The following PLEKHM3 variants were observed in gnomAD, a reference collection of about 807,000 sequenced individuals.
PLEKHM3 encodes the protein pleckstrin homology domain containing M3.
A neutral mutation model predicts 81.8 loss-of-function variants in PLEKHM3; 45 were observed. The ratio of observed to expected loss-of-function variants is 0.55; its 90% CI spans 0.43 to 0.71. The LOEUF is 0.71. Among genes scored for constraint, PLEKHM3 ranks in the 30% least tolerant of loss-of-function variants. PLEKHM3 has a pLI of 0.00. For synonymous variants in PLEKHM3, 352 were observed against 356.4 expected, an observed-to-expected ratio of 0.99 and a Z score of 0.14; for missense variants, 788 against 924.3, an observed-to-expected ratio of 0.85 and a Z score of 1.91.
At chr2:207,913,274 T>G (rs1688867575) in intron 5 of PLEKHM3, among the ~76,000 whole-genome samples, 1 of 151,868 alleles carries the variant, frequency 6.6e-6, no homozygotes, top group Non-Finnish European at 1.5e-5. Context: ...AGGTTTTAGA[T>G]GAAGCCATGA....
At chr2:207,852,182 A>C (rs2092416495) in intron 7 of PLEKHM3, among the ~76,000 whole-genome samples, 1 of 152,248 alleles carries the variant, frequency 6.6e-6, no homozygotes, top group Non-Finnish European at 1.5e-5. Flanking sequence ...CTACAGGTGC[A>C]GAAGTAGCAG....
At chr2:207,833,146 C>T (rs1434060374) in intron 7 of PLEKHM3, among the ~76,000 whole-genome samples, 2 of 151,846 alleles carry the variant, frequency 1.3e-5, no homozygotes, top group African/African-American at 4.8e-5. Flanking sequence ...TTCATTGGCC[C>T]CCCTGAGTAC....
intron 4 of PLEKHM3, among the ~76,000 whole-genome samples, chr2:207,936,785 A>C (rs1249382900): frequency 1.3e-5 from 2 of 152,158 alleles, no homozygotes; most frequent in Non-Finnish European, 2.9e-5. Flanking sequence ...ATTACTGTCT[A>C]TAATAGCAAA....
chr2:207,914,091 A>G (rs1365416831), intron 5 of PLEKHM3, among the ~76,000 whole-genome samples: 3 of 152,114 alleles, frequency 2.0e-5, no homozygotes, highest in African/African-American at 7.2e-5. Flanking sequence ...AGTGGCTCAC[A>G]CCTGTAATCC....
At chr2:207,906,347 A>C (rs982605957) in intron 6 of PLEKHM3, among the ~76,000 whole-genome samples, 8 of 151,444 alleles carry the variant, frequency 5.3e-5, no homozygotes, top group African/African-American at 2.0e-4. Flanking sequence ...TTGACTATGT[A>C]GTAAAGGTCA....
intron 3 of PLEKHM3, among the ~76,000 whole-genome samples, chr2:207,958,656 T>A (rs1015410531): frequency 1.1e-4 from 16 of 152,170 alleles, no homozygotes; most frequent in African/African-American, 3.6e-4. Flanking sequence ...ACGCCTATAA[T>A]CCCAGCACTT....
At chr2:208,008,693 C>G (rs907987585) in intron 1 of PLEKHM3, among the ~76,000 whole-genome samples, 1 of 152,150 alleles carries the variant, frequency 6.6e-6, no homozygotes, top group African/African-American at 2.4e-5. Context: ...GTTAACCAGC[C>G]CCTCCTTAAA....
At chr2:207,863,035 G>A (rs1302284037) in intron 6 of PLEKHM3, among the ~76,000 whole-genome samples, 1 of 152,110 alleles carries the variant, frequency 6.6e-6, no homozygotes, top group Non-Finnish European at 1.5e-5. Flanking sequence ...CTCCCACCCC[G>A]GTCATTTGCA....
intron 7 of PLEKHM3, among the ~76,000 whole-genome samples, chr2:207,846,638 G>A (rs1266861851): frequency 1.3e-5 from 2 of 151,846 alleles, no homozygotes; most frequent in African/African-American, 2.4e-5. Flanking sequence ...TGAGAGGATC[G>A]TTTGAGCCTG....
At chr2:207,887,553 G>A (rs1687919033) in intron 6 of PLEKHM3, among the ~76,000 whole-genome samples, 1 of 152,202 alleles carries the variant, frequency 6.6e-6, no homozygotes, top group Admixed American at 6.5e-5. Context: ...AATTGTCAGA[G>A]TGGCAACACA....
At chr2:207,881,746 G>A (rs2092592647) in intron 6 of PLEKHM3, among the ~76,000 whole-genome samples, 1 of 152,142 alleles carries the variant, frequency 6.6e-6, no homozygotes, top group South Asian at 2.1e-4. Flanking sequence ...TCTTCTCCTT[G>A]GCTCTGGGCT....
At chr2:207,886,453 T>C (rs144252127) in intron 6 of PLEKHM3, among the ~76,000 whole-genome samples, 61 of 152,374 alleles carry the variant, frequency 4.0e-4, no homozygotes, top group Middle Eastern at 3.4e-3. Flanking sequence ...CATAGCTGCA[T>C]TCCACCTGTG....
chr2:207,926,279 ACTC>A (rs1396095800), intron 5 of PLEKHM3, among the ~76,000 whole-genome samples: 6 of 150,722 alleles, frequency 4.0e-5, no homozygotes, highest in African/African-American at 1.2e-4. Flanking sequence ...GTGCATGAAA[ACTC>A]CTGATTTTTT....
At chr2:207,943,346 A>G (rs1185731627) in intron 4 of PLEKHM3, among the ~76,000 whole-genome samples, 1 of 152,216 alleles carries the variant, frequency 6.6e-6, no homozygotes, top group Non-Finnish European at 1.5e-5. Context: ...GCCTGTTTCC[A>G]TATGAAGCCC....
Position 207,828,344 on chromosome 2 carries a change from A to C in PLEKHM3, c.2261T>G (p.Phe754Cys). 3 of 1,613,554 alleles carry C rather than the reference A, an allele frequency of 1.9e-6. No homozygotes were observed. Among genetic ancestry groups the C allele is most frequent in the Non-Finnish European group, 2.5e-6 (3 of 1,179,834 alleles). ...DESLEEACTM[F>C]ELSYQNT ...TCAGGTGTTCTGGTAGGACAGCTCG[A>C]ACATGGTGCAAGCCTCCTCTAGACT... is the stretch of plus-strand genomic sequence containing the variant. The change falls in exon 8 of 8, where the codon TTC becomes TGC. Residue 754 changes from phenylalanine to cysteine, a missense_variant. Coordinates refer to ENST00000427836, the MANE Select transcript of PLEKHM3 (RefSeq NM_001080475.3).
intron 3 of PLEKHM3, among the ~76,000 whole-genome samples, chr2:207,965,343 C>A (rs1289184962): frequency 6.8e-6 from 1 of 147,208 alleles, no homozygotes; most frequent in Non-Finnish European, 1.5e-5. Flanking sequence ...GGGACAAGAA[C>A]TTTCCAGACC....
chr2:207,953,669 G>A (rs962239105), intron 3 of PLEKHM3, among the ~76,000 whole-genome samples: 1 of 152,006 alleles, frequency 6.6e-6, no homozygotes. Flanking sequence ...AATTAGCTGG[G>A]TGTGATGGCA....
chr2:207,907,671 C>T (rs937117441), intron 6 of PLEKHM3, among the ~76,000 whole-genome samples: 4 of 152,164 alleles, frequency 2.6e-5, no homozygotes, highest in Admixed American at 2.6e-4. Flanking sequence ...TCTTTTCATA[C>T]AAATTTTTAA....
At chr2:207,840,471 C>T (rs2092343957) in intron 7 of PLEKHM3, among the ~76,000 whole-genome samples, 1 of 152,212 alleles carries the variant, frequency 6.6e-6, no homozygotes, top group African/African-American at 2.4e-5. Flanking sequence ...GTTGTGATAA[C>T]AGGTGTGAGC....
Sources: gnomAD v4.1 joint callset for allele counts (sites outside exome capture counted in the v4.1 genomes callset) on GRCh38, gnomAD v4.1.1 for gene constraint, MANE v1.5 for transcripts, NCBI Gene and HGNC (gene_info 2026-07-23, HGNC 2026-07-21) for gene names.